Variants in ACTR3C observed in about 807,000 individuals in gnomAD.
ACTR3C encodes the protein actin related protein 3C.
Under a neutral mutation model 26.3 loss-of-function variants are expected in ACTR3C, and 18 were observed. The ratio of observed to expected loss-of-function variants is 0.68; its 90% CI spans 0.47 to 1.01. ACTR3C has a LOEUF of 1.01. Ranked by LOEUF, ACTR3C falls within the 50% of genes least tolerant of loss-of-function variation. The probability of loss-of-function intolerance (pLI) is 0.00; values close to 1 mark genes in which losing one functional copy is unlikely to be tolerated. For synonymous variants in ACTR3C, 55 were observed against 94.5 expected, an observed-to-expected ratio of 0.58 and a Z score of 2.42; for missense variants, 184 against 250.7, an observed-to-expected ratio of 0.73 and a Z score of 1.80.
chr7:150,280,351 T>C (rs1835219285), intron 6 of ACTR3C, among the ~76,000 whole-genome samples: 2 of 151,834 alleles, frequency 1.3e-5, no homozygotes, highest in Admixed American at 1.3e-4. Flanking sequence ...ATAAAGCAGA[T>C]GTGTAAATAC....
the ACTR3C span, among the ~76,000 whole-genome samples, chr7:150,195,984 T>C: frequency 6.6e-6 from 1 of 152,254 alleles, no homozygotes; most frequent in Non-Finnish European, 1.5e-5. Flanking sequence ...TCTTGTGTCT[T>C]TCTTTTCCCT....
the ACTR3C span, among the ~76,000 whole-genome samples, chr7:150,034,575 C>T: frequency 6.6e-6 from 1 of 151,708 alleles, no homozygotes; most frequent in Non-Finnish European, 1.5e-5. Context: ...TCTCACCTGC[C>T]TTCTGCCCTT....
the ACTR3C span, among the ~76,000 whole-genome samples, chr7:150,209,070 TA>T: frequency 6.6e-6 from 1 of 151,960 alleles, no homozygotes; most frequent in Non-Finnish European, 1.5e-5. Context: ...GACATAATAA[TA>T]AAAATAATCC....
the ACTR3C span, among the ~76,000 whole-genome samples, chr7:150,017,996 G>C: frequency 1.3e-5 from 2 of 150,240 alleles, no homozygotes; most frequent in Non-Finnish European, 2.9e-5. Context: ...CTGCTGAACA[G>C]GTAACAGGTG....
At chr7:150,037,543 T>C in the ACTR3C span, among the ~76,000 whole-genome samples, 1 of 43,440 alleles carries the variant, frequency 2.3e-5, no homozygotes, top group Non-Finnish European at 4.8e-5. Flanking sequence ...GGGGGGTGCC[T>C]CCCCCTCGTG....
At chr7:150,242,142 G>A (rs1832213616), downstream of ACTR3C, among the ~76,000 whole-genome samples, 2 of 151,922 alleles carry the variant, frequency 1.3e-5, no homozygotes, top group African/African-American at 2.4e-5. Context: ...CTTGACCCTG[G>A]GAGGTGGAGG....
chr7:149,989,996 T>C, the ACTR3C span, among the ~76,000 whole-genome samples: 2 of 152,110 alleles, frequency 1.3e-5, no homozygotes. Flanking sequence ...ACTCCCCTGC[T>C]TGAAAGCACT....
the ACTR3C span, among the ~76,000 whole-genome samples, chr7:150,222,964 T>A: frequency 8.5e-5 from 13 of 152,226 alleles, no homozygotes; most frequent in African/African-American, 1.9e-4. Context: ...TCTCCTTTTT[T>A]AAAAAAATTG....
chr7:150,192,746 G>A, the ACTR3C span, among the ~76,000 whole-genome samples: 4 of 152,150 alleles, frequency 2.6e-5, no homozygotes, highest in Admixed American at 6.6e-5. Flanking sequence ...AATTACCCAC[G>A]TGGTGATGGT....
the ACTR3C span, among the ~76,000 whole-genome samples, chr7:150,105,240 C>T: frequency 6.6e-6 from 1 of 151,574 alleles, no homozygotes; most frequent in African/African-American, 2.4e-5. Flanking sequence ...CCACCACCAC[C>T]CCTGGCTAAT....
chr7:150,065,809 C>CTAAAA, the ACTR3C span, among the ~76,000 whole-genome samples: 2 of 150,222 alleles, frequency 1.3e-5, no homozygotes, highest in Non-Finnish European at 3.0e-5. Flanking sequence ...CTAAAACTGG[C>CTAAAA]CAAACAAATT....
the ACTR3C span, among the ~76,000 whole-genome samples, chr7:149,892,678 C>T: frequency 8.6e-6 from 1 of 116,104 alleles, no homozygotes; most frequent in Non-Finnish European, 2.0e-5. Context: ...TCAGTTTTAT[C>T]TGGAAAAATC....
chr7:150,171,187 G>A, the ACTR3C span, among the ~76,000 whole-genome samples: 2 of 141,736 alleles, frequency 1.4e-5, no homozygotes, highest in Non-Finnish European at 3.0e-5. Flanking sequence ...GGTGTGCATG[G>A]ATCACTCGCC....
chr7:150,219,818 G>T, the ACTR3C span, among the ~76,000 whole-genome samples: 2 of 144,912 alleles, frequency 1.4e-5, no homozygotes, highest in Admixed American at 1.3e-4. Context: ...AGCCCCGCGC[G>T]CGCTTCCCGG....
At chr7:150,285,200 T>C (rs1205435655) in intron 5 of ACTR3C, among the ~76,000 whole-genome samples, 1 of 152,170 alleles carries the variant, frequency 6.6e-6, no homozygotes, top group Non-Finnish European at 1.5e-5. Flanking sequence ...CTTTGACATA[T>C]CATTTGACAA....
At chr7:150,107,262 G>T in the ACTR3C span, among the ~76,000 whole-genome samples, 1 of 150,456 alleles carries the variant, frequency 6.6e-6, no homozygotes, top group Non-Finnish European at 1.5e-5. Flanking sequence ...AAGGAGAGCT[G>T]GGCTCTCAGC....
At chr7:149,882,300 T>C in the ACTR3C span, among the ~76,000 whole-genome samples, 42 of 152,342 alleles carry the variant, frequency 2.8e-4, no homozygotes, top group African/African-American at 9.6e-4. Flanking sequence ...TTCTGTGATA[T>C]TGGATTGGTG....
chr7:150,281,116 A>G (rs1835297173), intron 6 of ACTR3C, among the ~76,000 whole-genome samples: 1 of 152,076 alleles, frequency 6.6e-6, no homozygotes, highest in Non-Finnish European at 1.5e-5. Context: ...AGGAATCGGC[A>G]CCATCACTCC....
At chr7:150,278,576 A>ACT in intron 6 of ACTR3C, among the ~76,000 whole-genome samples, 1 of 152,146 alleles carries the variant, frequency 6.6e-6, no homozygotes, top group African/African-American at 2.4e-5. Flanking sequence ...CACTGACATT[A>ACT]CTCGATGTTG....
Sources: allele counts gnomAD v4.1 joint callset (sites outside exome capture counted in the v4.1 genomes callset), GRCh38; gene constraint gnomAD v4.1.1; transcripts MANE v1.5; gene names NCBI Gene and HGNC (gene_info 2026-07-23, HGNC 2026-07-21).